The following LNPEP variants were observed in gnomAD, a reference collection of about 807,000 sequenced individuals.
The protein encoded by LNPEP is leucyl-cystinyl aminopeptidase.
A neutral mutation model predicts 120.6 loss-of-function variants in LNPEP; 64 were observed. The ratio of observed to expected loss-of-function variants is 0.53; its 90% CI spans 0.43 to 0.65. The LOEUF is 0.65. LNPEP is among the 30% of genes least tolerant of loss of function. LNPEP has a pLI of 0.00. For missense variants in LNPEP, 1,057 were observed against 1,200.0 expected, an observed-to-expected ratio of 0.88 and a Z score of 1.76; for synonymous variants, 435 against 425.4, an observed-to-expected ratio of 1.02 and a Z score of -0.28.
At chr5:96,949,429 T>G (rs927517426) in intron 1 of LNPEP, among the ~76,000 whole-genome samples, 1 of 152,198 alleles carries the variant, frequency 6.6e-6, no homozygotes, top group Non-Finnish European at 1.5e-5. Flanking sequence ...TGCCTGATGA[T>G]CTGAGGTGTT....
chr5:96,944,585 T>C (rs79262397), intron 1 of LNPEP, among the ~76,000 whole-genome samples: 2 of 132,644 alleles, frequency 1.5e-5, no homozygotes, highest in Admixed American at 1.5e-4. Context: ...TTTTTTTTTT[T>C]TGAGACAGAG....
chr5:96,969,739 CCT>C (rs1412411272), intron 1 of LNPEP, among the ~76,000 whole-genome samples: 3 of 150,368 alleles, frequency 2.0e-5, no homozygotes, highest in Middle Eastern at 7.0e-3. Context: ...TGATTTTTGC[CCT>C]GTTTTTTTTT....
chr5:96,983,501 A>G (rs1036913474), intron 2 of LNPEP, among the ~76,000 whole-genome samples: 3 of 151,966 alleles, frequency 2.0e-5, no homozygotes, highest in Non-Finnish European at 2.9e-5. Flanking sequence ...GTTGGAGTGC[A>G]GTGGTGCAAT....
chr5:96,995,837 A>G (rs1790503982), intron 6 of LNPEP, among the ~76,000 whole-genome samples: 1 of 152,142 alleles, frequency 6.6e-6, no homozygotes. Context: ...ATGTCAACTT[A>G]GTCTTAAGGA....
chr5:97,020,810 A>G (rs1473646133), intron 13 of LNPEP, among the ~76,000 whole-genome samples: 1 of 152,142 alleles, frequency 6.6e-6, no homozygotes, highest in Non-Finnish European at 1.5e-5. Context: ...TCAAAAACAA[A>G]AAAAAGAATA....
At chr5:97,006,910 G>T (rs1382771719) in intron 11 of LNPEP, among the ~76,000 whole-genome samples, 1 of 152,144 alleles carries the variant, frequency 6.6e-6, no homozygotes, top group Non-Finnish European at 1.5e-5. Flanking sequence ...TATAATTGAG[G>T]TTTATTCATG....
intron 1 of LNPEP, among the ~76,000 whole-genome samples, chr5:96,962,354 T>G (rs1789625489): frequency 6.6e-6 from 1 of 152,254 alleles, no homozygotes; most frequent in South Asian, 2.1e-4. Context: ...GTTTCTCACT[T>G]CAGCTGTAAA....
Position 97,032,044 on chromosome 5 carries a change from G to A in LNPEP, c.*3511G>A, listed in dbSNP as rs1016045885. 2.0e-5 allele frequency: 3 copies of A among 151,906 alleles called. No homozygotes were observed. The highest frequency in any genetic ancestry group is 7.3e-5 in the African/African-American group (3 of 41,320). 9.4% of individuals were successfully genotyped at this position (151,906 alleles called of 1,614,324 possible). A position where few individuals can be genotyped will look rare whatever the true frequency, so the allele number is the denominator to read the frequency against. ...ATTCACATAATCCCCATGTTTCATG[G>A]GGCTTCAGGGAAGGCAAATACATCT... On this transcript the variant is annotated 3_prime_UTR_variant, in exon 18 of 18. Coordinates refer to ENST00000231368, the MANE Select transcript of LNPEP (RefSeq NM_005575.3).
chr5:96,971,254 A>AT (rs1277974205), intron 1 of LNPEP, among the ~76,000 whole-genome samples: 1 of 151,660 alleles, frequency 6.6e-6, no homozygotes, highest in Non-Finnish European at 1.5e-5. Context: ...GTTCATCTGT[A>AT]TGTAGCATTG....
rs1217664450 is a variant in LNPEP, at chr5:97,030,070, A to C, written c.*1537A>C. 6.6e-6 allele frequency: 1 copy of C among 152,070 alleles called. No individual in the cohort carries two copies. Among genetic ancestry groups the C allele is most frequent in the Non-Finnish European group, 1.5e-5 (1 of 67,990 alleles). The allele number at this position is 152,070 out of a possible 1,614,324, so 9.4% of individuals were successfully genotyped here. A position where few individuals can be genotyped will look rare whatever the true frequency, so the allele number is the denominator to read the frequency against. ...AAAGGTCACCCTTTTTTTATTCGGC[A>C]GGTATCAAGTTAGAATGTATGGAAT... On this transcript the variant is annotated 3_prime_UTR_variant, in exon 18 of 18. Coordinates refer to ENST00000231368, the MANE Select transcript of LNPEP (RefSeq NM_005575.3).
In LNPEP at chr5:97,028,881, A is replaced by G; in HGVS notation, c.*348A>G. On this transcript the variant is annotated 3_prime_UTR_variant, in exon 18 of 18. Transcript: ENST00000231368. ...CAGAAAGTTACTGACACAGTAAAAC[A>G]AGGAAAGTTCTACCCTAAGAGCCGC... is the stretch of plus-strand genomic sequence containing the variant. 5.2e-6 allele frequency: 1 copy of G among 192,752 alleles called. No individual in the cohort carries two copies. The highest frequency in any genetic ancestry group is 1.0e-4 in the South Asian group (1 of 9,768). The allele number at this position is 192,752 out of a possible 1,614,324, so 11.9% of individuals were successfully genotyped here.
intron 13 of LNPEP, among the ~76,000 whole-genome samples, chr5:97,015,756 T>C (rs983587813): frequency 6.6e-5 from 10 of 152,102 alleles, no homozygotes; most frequent in African/African-American, 2.4e-4. Context: ...CTTTATAAAC[T>C]AGTGAGATTT....
chr5:97,016,779 A>G (rs1257828756), intron 13 of LNPEP, among the ~76,000 whole-genome samples: 1 of 152,148 alleles, frequency 6.6e-6, no homozygotes, highest in Non-Finnish European at 1.5e-5. Context: ...AACAATATTT[A>G]TGTGCCTTTC....
chr5:96,966,189 G>T (rs150990291), intron 1 of LNPEP, among the ~76,000 whole-genome samples: 9 of 151,968 alleles, frequency 5.9e-5, no homozygotes, highest in Non-Finnish European at 1.3e-4. Flanking sequence ...TAAATATAAC[G>T]CAGTAGAGAA....
rs1354831141 is a variant in LNPEP at position 97,028,525 on chromosome 5, T to G, written c.3070T>G (p.Trp1024Gly). 1.2e-6 allele frequency: 2 copies of G among 1,613,632 alleles called. No individual in the cohort carries two copies. Residue 1024 changes from tryptophan (W) to glycine (G), a missense_variant, in exon 18 of 18, where the codon TGG (tryptophan) becomes GGG (glycine). Coordinates refer to ENST00000231368, the MANE Select transcript of LNPEP (RefSeq NM_005575.3). Reference sequence around the variant, plus strand: ...GAAGAACCTCAAAAGTCTCACATGGTGGCTGTAGCATGCACAACCGCACCT... The same window carrying G: ...GAAGAACCTCAAAAGTCTCACATGGGGGCTGTAGCATGCACAACCGCACCT... ...MEKNLKSLTWWL is the reference protein window; with the variant it reads ...MEKNLKSLTWGL
chr5:96,954,768 A>ATTTT (rs1581981619), intron 1 of LNPEP, among the ~76,000 whole-genome samples: 1 of 36,096 alleles, frequency 2.8e-5, no homozygotes, highest in Non-Finnish European at 6.1e-5. Flanking sequence ...ATATATATAT[A>ATTTT]TATATTTTTT....
intron 1 of LNPEP, among the ~76,000 whole-genome samples, chr5:96,954,135 A>C (rs1789385511): frequency 6.6e-6 from 1 of 152,242 alleles, no homozygotes; most frequent in Non-Finnish European, 1.5e-5. Flanking sequence ...TAAAGTTCCA[A>C]GTTGAAGTTA....
intron 1 of LNPEP, among the ~76,000 whole-genome samples, chr5:96,957,741 G>A (rs1013164909): frequency 2.0e-5 from 3 of 152,128 alleles, no homozygotes; most frequent in Admixed American, 1.3e-4. Flanking sequence ...CTTGATTTTA[G>A]CCCAGTGAGA....
At chr5:96,994,885 G>A (rs866953428) in intron 6 of LNPEP, among the ~76,000 whole-genome samples, 3 of 152,146 alleles carry the variant, frequency 2.0e-5, no homozygotes, top group African/African-American at 4.8e-5. Flanking sequence ...GGAGGCAGGC[G>A]TATCACAAGG....
Sources: allele counts gnomAD v4.1 joint callset (sites outside exome capture counted in the v4.1 genomes callset), GRCh38; gene constraint gnomAD v4.1.1; transcripts MANE v1.5; gene names NCBI Gene and HGNC (gene_info 2026-07-23, HGNC 2026-07-21).